Variants in C8orf34 observed in about 807,000 individuals in gnomAD.
C8orf34 encodes the protein chromosome 8 open reading frame 34.
In C8orf34, 65 loss-of-function variants were observed where a neutral mutation model predicts 68.3. The observed-to-expected ratio is 0.95, with a 90% CI of 0.78 to 1.17. The LOEUF is 1.17. Among genes scored for constraint, C8orf34 ranks in the 50% most tolerant of loss-of-function variants. The probability of loss-of-function intolerance (pLI) is 0.00; values close to 1 mark genes in which losing one functional copy is unlikely to be tolerated. For synonymous variants in C8orf34, 244 were observed against 241.2 expected (o/e 1.01, Z -0.11); for missense variants, 664 against 655.4 (o/e 1.01, Z -0.14).
intron 8 of C8orf34, among the ~76,000 whole-genome samples, chr8:68,680,167 C>A (rs1369162481): frequency 6.6e-6 from 1 of 152,154 alleles, no homozygotes; most frequent in Non-Finnish European, 1.5e-5. Flanking sequence ...TATTTGAAAA[C>A]TATCCACTTG....
chr8:68,370,486 G>T lies in C8orf34; in HGVS notation c.327+39147G>T, dbSNP rs75944838. Among the ~76,000 whole-genome samples, 1,218 of 152,272 alleles carry T rather than the reference G, an allele frequency of 8.0e-3. 38 individuals carry two copies. In the East Asian group the frequency reaches 0.1, roughly 13 times the overall value. On this transcript the variant is annotated intron_variant, in intron 1 of 13. Transcript: ENST00000518698. ...AGGCAGCTAGTATGGAGCCTATCAA[G>T]GAGACTGTCTTGCTCTCCTCACTAA...
chr8:68,495,818 A>C (rs1813499111), intron 5 of C8orf34, among the ~76,000 whole-genome samples: 1 of 152,264 alleles, frequency 6.6e-6, no homozygotes, highest in Admixed American at 6.5e-5. Flanking sequence ...CTTTGTGCCT[A>C]GTGCAGAGTA....
chr8:68,613,752 A>G (rs184907903), intron 7 of C8orf34, among the ~76,000 whole-genome samples: 22,418 of 150,394 alleles, frequency 0.15, 1,809 homozygotes, highest in African/African-American at 0.21. Flanking sequence ...ATAAATATAC[A>G]TGTGCATGTG....
At chr8:68,362,602 C>T (rs1347709705) in intron 1 of C8orf34, among the ~76,000 whole-genome samples, 2 of 152,178 alleles carry the variant, frequency 1.3e-5, no homozygotes, top group Non-Finnish European at 2.9e-5. Context: ...CCCCGAGCAG[C>T]CTAACTGGGA....
intron 12 of C8orf34, among the ~76,000 whole-genome samples, chr8:68,796,933 T>A (rs968852860): frequency 1.1e-4 from 16 of 151,818 alleles, no homozygotes; most frequent in Admixed American, 3.3e-4. Flanking sequence ...TTCAAGCAAT[T>A]CTCTTGCCTC....
intron 7 of C8orf34, among the ~76,000 whole-genome samples, chr8:68,536,405 A>G (rs1815477633): frequency 6.6e-6 from 1 of 150,848 alleles, no homozygotes; most frequent in Non-Finnish European, 1.5e-5. Flanking sequence ...AAAGATCTAT[A>G]AAAATCCCTG....
chr8:68,480,011 G>C (rs978463860), intron 4 of C8orf34, among the ~76,000 whole-genome samples: 23 of 152,146 alleles, frequency 1.5e-4, no homozygotes, highest in African/African-American at 5.3e-4. Context: ...TCTATATCTA[G>C]AATATTTACT....
chr8:68,663,648 A>G (rs927740731), intron 8 of C8orf34, among the ~76,000 whole-genome samples: 2 of 152,228 alleles, frequency 1.3e-5, no homozygotes, highest in African/African-American at 4.8e-5. Context: ...GTTTGAAATC[A>G]GGATACTTAG....
intron 10 of C8orf34, among the ~76,000 whole-genome samples, chr8:68,743,475 T>C (rs1183845096): frequency 3.3e-5 from 5 of 152,286 alleles, no homozygotes; most frequent in African/African-American, 1.2e-4. Context: ...CACTAGGGAA[T>C]GCCAGACAGT....
intron 3 of C8orf34, chr8:68,448,035 A>G (rs1811195009): frequency 1.3e-5 from 2 of 152,230 alleles, no homozygotes; most frequent in Non-Finnish European, 2.9e-5. Flanking sequence ...ATCCCTTTTC[A>G]TCATGGATCC....
intron 1 of C8orf34, among the ~76,000 whole-genome samples, chr8:68,332,351 T>TTGCCCCCGCCTTGCC (rs1805653757): frequency 9.4e-6 from 1 of 105,906 alleles, no homozygotes; most frequent in Non-Finnish European, 2.0e-5. Flanking sequence ...GTCGAGGTGC[T>TTGCCCCCGCCTTGCC]CCCGCCTTGC....
chr8:68,393,110 G>A (rs894139822), intron 1 of C8orf34, among the ~76,000 whole-genome samples: 4 of 149,534 alleles, frequency 2.7e-5, no homozygotes, highest in African/African-American at 7.3e-5. Context: ...AAACTGAATA[G>A]GCTTTTTGTG....
chr8:68,789,224 C>G (rs1253056567), intron 12 of C8orf34, among the ~76,000 whole-genome samples: 1 of 152,086 alleles, frequency 6.6e-6, no homozygotes, highest in Non-Finnish European at 1.5e-5. Flanking sequence ...TGTATAAACA[C>G]AATATGGGAA....
intron 1 of C8orf34, among the ~76,000 whole-genome samples, chr8:68,384,594 G>A (rs994309258): frequency 2.0e-5 from 3 of 152,216 alleles, no homozygotes; most frequent in African/African-American, 7.2e-5. Context: ...GTAAAAGCCA[G>A]GGTGAGTTTA....
intron 1 of C8orf34, among the ~76,000 whole-genome samples, chr8:68,336,484 C>G (rs1337583821): frequency 6.6e-6 from 1 of 151,998 alleles, no homozygotes; most frequent in East Asian, 1.9e-4. Context: ...ATAGGGAAAG[C>G]TAGAATGAAC....
At chr8:68,810,826 C>G (rs1824628688) in intron 12 of C8orf34, among the ~76,000 whole-genome samples, 1 of 152,074 alleles carries the variant, frequency 6.6e-6, no homozygotes, top group Non-Finnish European at 1.5e-5. Flanking sequence ...GACATTTGAC[C>G]AAGTCTGGCT....
At chr8:68,768,612 A>G (rs1302575923) in intron 10 of C8orf34, among the ~76,000 whole-genome samples, 1 of 152,198 alleles carries the variant, frequency 6.6e-6, no homozygotes, top group African/African-American at 2.4e-5. Flanking sequence ...GTTTTATTCC[A>G]TATTACATGC....
intron 1 of C8orf34, among the ~76,000 whole-genome samples, chr8:68,423,816 A>G (rs947734011): frequency 5.9e-5 from 9 of 152,174 alleles, no homozygotes; most frequent in Non-Finnish European, 1.3e-4. Context: ...CAGGAAACTT[A>G]CAATCATGGC....
chr8:68,626,141 A>G (rs1431302933), intron 7 of C8orf34, among the ~76,000 whole-genome samples: 1 of 151,114 alleles, frequency 6.6e-6, no homozygotes, highest in Non-Finnish European at 1.5e-5. Flanking sequence ...TAGAAAGGAC[A>G]TCAAATGGAG....
Sources: allele counts gnomAD v4.1 joint callset (sites outside exome capture counted in the v4.1 genomes callset), GRCh38; gene constraint gnomAD v4.1.1; transcripts MANE v1.5; gene names NCBI Gene and HGNC (gene_info 2026-07-23, HGNC 2026-07-21).